Variants in PDXK observed in about 807,000 individuals in gnomAD.
PDXK encodes epididymis secretory sperm binding protein Li 1a.
A neutral mutation model predicts 43.2 loss-of-function variants in PDXK; 15 were observed. That is an observed-to-expected ratio of 0.35 (90% CI 0.23 to 0.53). The LOEUF (loss-of-function observed/expected upper bound fraction) is 0.53. PDXK is among the 20% of genes least tolerant of loss of function. The pLI is 0.92. For synonymous variants in PDXK, 172 were observed against 165.4 expected, an observed-to-expected ratio of 1.04 and a Z score of -0.31; for missense variants, 343 against 417.0, an observed-to-expected ratio of 0.82 and a Z score of 1.54.
chr21:43,735,965 G>A lies in PDXK; in HGVS notation c.142+1842G>A, dbSNP rs1343091960. 1.3e-5 allele frequency among the ~76,000 whole-genome samples: 2 copies of A among 152,180 alleles called. No individual in the cohort carries two copies. The highest frequency in any genetic ancestry group is 2.4e-5 in the African/African-American group (1 of 41,462). On this transcript the variant is annotated intron_variant, in intron 2 of 10. Coordinates refer to ENST00000291565, the MANE Select transcript of PDXK (RefSeq NM_003681.5). This position sits in a 1 kb window ranked among gnomAD's most constrained non-coding sequence, Gnocchi z 5.3. ...ACCTGCCCTGGGTGCCACGGGAGCT[G>A]GTGGTCAAGACGGGGGACTCGGCCT...
rs1239115502 is a variant in PDXK, at chr21:43,760,073, T to C, written c.*4010T>C. 6.5e-6 allele frequency: 1 copy of C among 153,764 alleles called. No homozygotes were observed. The highest frequency in any genetic ancestry group is 2.4e-5 in the African/African-American group (1 of 41,440). The allele number at this position is 153,764 out of a possible 1,614,324, so 9.5% of individuals were successfully genotyped here. A position where few individuals can be genotyped will look rare whatever the true frequency, so the allele number is the denominator to read the frequency against. On this transcript the variant is annotated 3_prime_UTR_variant, in exon 11 of 11. Transcript: ENST00000291565. ...GGATACCTGAGCCTGTATGGCCCTG[T>C]AGCCCTGGGCAGAGCTGGGCCTGTC...
Position 43,735,135 on chromosome 21 carries a change from G to A in PDXK, c.142+1012G>A, listed in dbSNP as rs2147236625. Among the ~76,000 whole-genome samples the A allele has an allele frequency of 6.6e-6, 1 of 152,354 alleles. No homozygotes were observed. Among genetic ancestry groups the A allele is most frequent in the Admixed American group, 6.5e-5 (1 of 15,310 alleles). ...CCAGCTCTCGCTGAAACCCTTTCCT[G>A]CCTTTGCTTGCGGGGCACACTGGGT... On this transcript the variant is annotated intron_variant, in intron 2 of 10. Transcript: ENST00000291565. The surrounding 1 kb of genome is among the most constrained non-coding windows in gnomAD (Gnocchi z 5.3).
chr21:43,746,211 G>C (rs2083636049), intron 5 of PDXK, 86 bp downstream of exon 5: 4 of 1,054,436 alleles, frequency 3.8e-6, no homozygotes, highest in Non-Finnish European at 6.0e-6. Context: ...ATCTCTAAGT[G>C]TCTAACTCGG....
chr21:43,741,939 G>A (rs932831440), intron 3 of PDXK, among the ~76,000 whole-genome samples, 168 bp downstream of exon 3: 2 of 152,036 alleles, frequency 1.3e-5, no homozygotes, highest in Non-Finnish European at 1.5e-5. Context: ...AGCCTGGGGG[G>A]TCCTGGCCAC....
rs1184162395 is a variant in PDXK, at chr21:43,759,012, T to G, written c.*2949T>G. 6.6e-6 allele frequency: 1 copy of G among 152,234 alleles called. No homozygotes were observed. The allele number at this position is 152,234 out of a possible 1,614,324, so 9.4% of individuals were successfully genotyped here. ...AGTTTTGAAACGTTTGGTCTTACCG[T>G]GAACGGAGGCTGGCTTGGCTTAGCC... is the stretch of plus-strand genomic sequence containing the variant. On this transcript the variant is annotated 3_prime_UTR_variant, in exon 11 of 11. Coordinates refer to ENST00000291565, the MANE Select transcript of PDXK (RefSeq NM_003681.5).
chr21:43,740,943 G>A (rs2083489785), intron 2 of PDXK: 2 of 146,266 alleles, frequency 1.4e-5, no homozygotes, highest in South Asian at 4.2e-4. Context: ...GGGGACTAAT[G>A]CAGGAGACGC....
At chr21:43,741,079 A>C (rs2083493495) in intron 2 of PDXK, 2 of 138,100 alleles carry the variant, frequency 1.4e-5, no homozygotes. Context: ...CCTGGGACGC[A>C]GCTCCCGCAG....
At chr21:43,741,153 CGGGGGGCTCGCGG>C (rs1313704811) in intron 2 of PDXK, 2 of 8,486 alleles carry the variant, frequency 2.4e-4, no homozygotes, top group Admixed American at 1.5e-3. Flanking sequence ...AGTGCAGGGG[CGGGGGGCTCGCGG>C]GGGGGCTCGC....
intron 1 of PDXK, among the ~76,000 whole-genome samples, chr21:43,726,393 A>T (rs1039944995): frequency 2.7e-5 from 4 of 147,262 alleles, no homozygotes; most frequent in African/African-American, 1.0e-4. Context: ...CTCCTGCCTC[A>T]GCCTCCCAGG....
At chr21:43,753,354 C>T (rs1286756053) in intron 8 of PDXK, among the ~76,000 whole-genome samples, 4 of 152,202 alleles carry the variant, frequency 2.6e-5, no homozygotes, top group Admixed American at 1.3e-4. Context: ...CAGCGACCCC[C>T]GAGGCGGCCT....
intron 2 of PDXK, among the ~76,000 whole-genome samples, chr21:43,739,486 A>G (rs985169222): frequency 1.3e-5 from 2 of 152,226 alleles, no homozygotes; most frequent in Non-Finnish European, 2.9e-5. Context: ...ACAGTTCAGC[A>G]GAGCTGGGGA....
Position 43,719,168 on chromosome 21 carries a change from G to T in PDXK, c.-127G>T. 2.6e-6 allele frequency: 1 copy of T among 389,230 alleles called. No homozygotes were observed. The highest frequency in any genetic ancestry group is 4.2e-6 in the Non-Finnish European group (1 of 237,054). The allele number at this position is 389,230 out of a possible 1,614,324, so 24.1% of individuals were successfully genotyped here. A position where few individuals can be genotyped will look rare whatever the true frequency, so the allele number is the denominator to read the frequency against. On this transcript the variant is annotated 5_prime_UTR_variant, in exon 1 of 11. Coordinates refer to ENST00000291565, the MANE Select transcript of PDXK (RefSeq NM_003681.5). ...TCTGCGCTGATCGGGTCCGCCGCGC[G>T]CCAGAGCCAGAGTCGCAGCCGAGGG... is the stretch of plus-strand genomic sequence containing the variant.
chr21:43,720,972 G>T (rs546927295), intron 1 of PDXK, among the ~76,000 whole-genome samples: 1 of 152,226 alleles, frequency 6.6e-6, no homozygotes, highest in African/African-American at 2.4e-5. Flanking sequence ...GACTCGAGGG[G>T]TGTCCTCTGA....
rs1406850728 is a variant in PDXK at position 43,741,683 on chromosome 21, G to A, written c.159G>A (p.Lys53=). The A allele has an allele frequency of 8.7e-6, 14 of 1,612,884 alleles. No homozygotes were observed. The highest frequency in any genetic ancestry group is 1.1e-5 in the Non-Finnish European group (13 of 1,179,182). Residue 53 remains lysine (K), a synonymous_variant, in exon 3 of 11, where the codon AAG becomes AAA. Coordinates refer to ENST00000291565, the MANE Select transcript of PDXK (RefSeq NM_003681.5). The stretch of plus-strand genomic sequence containing the variant: ...TGCCTCTAGGCTATGCCCACTGGAA[G>A]GGCCAAGTGCTGAATTCAGATGAGC... The part of the protein sequence containing the change: ...FSNHTGYAHW[K]GQVLNSDELQ...
At chr21:43,729,066 C>G in intron 1 of PDXK, 5 of 964,980 alleles carry the variant, frequency 5.2e-6, no homozygotes, top group Non-Finnish European at 4.9e-6. Context: ...AGCCCCCCAC[C>G]CCGCACCCGC....
chr21:43,745,911 C>G lies in PDXK; in HGVS notation c.332-168C>G, dbSNP rs2083630712. The stretch of plus-strand genomic sequence containing the variant: ...ACTTGGGAGGGTGAGGCAGGAGGAT[C>G]GCCCGAGCCTGGAAGATCGAGGTTG... On this transcript the variant is annotated intron_variant, in intron 4 of 10. Transcript: ENST00000291565. The G allele has an allele frequency of 5.5e-5, 35 of 641,440 alleles. No individual in the cohort carries two copies. In the South Asian group the frequency reaches 6.0e-4, roughly 11 times the overall value. 39.7% of individuals were successfully genotyped at this position (641,440 alleles called of 1,614,324 possible). A position where few individuals can be genotyped will look rare whatever the true frequency, so the allele number is the denominator to read the frequency against.
chr21:43,733,951 G>C (rs2083362842), intron 1 of PDXK, 118 bp from the exon 2 acceptor site: 3 of 985,260 alleles, frequency 3.0e-6, no homozygotes, highest in Non-Finnish European at 4.8e-6. Flanking sequence ...CCTGCAGCTG[G>C]GGGCCCCGTG....
rs1352635330 is a variant in PDXK, at chr21:43,753,645, G to C, written c.685G>C (p.Val229Leu). ...GATGGACATTCGCAAAGTGGACGCC[G>C]TCTTTGTGGGCACTGGGGACCTGTT... ...IRMDIRKVDAVFVGTGDLFAA... is the reference protein window; with the variant it reads ...IRMDIRKVDALFVGTGDLFAA... The change falls in exon 9 of 11, where the codon GTC (valine) becomes CTC (leucine). Residue 229 changes from valine (V) to leucine (L), a missense_variant. Coordinates refer to ENST00000291565, the MANE Select transcript of PDXK (RefSeq NM_003681.5). 2 of 1,613,808 alleles carry C rather than the reference G, an allele frequency of 1.2e-6. No individual in the cohort carries two copies. The highest frequency in any genetic ancestry group is 1.7e-6 in the Non-Finnish European group (2 of 1,179,800).
Position 43,755,729 on chromosome 21 carries a change from A to G in PDXK, c.791A>G (p.His264Arg), listed in dbSNP as rs759900191. The change falls in exon 10 of 11, where the codon CAC becomes CGC. Residue 264 changes from histidine (H) to arginine (R), a missense_variant. By Grantham distance (29) the His-to-Arg change is conservative (BLOSUM62 0). Transcript: ENST00000291565. ...TGTGAGAAGACCGTGTCTACCTTGC[A>G]CCACGTTCTGCAGAGGACCATCCAG... is the stretch of plus-strand genomic sequence containing the variant. Reference protein sequence around the residue: ...VACEKTVSTLHHVLQRTIQCA... With the variant: ...VACEKTVSTLRHVLQRTIQCA... 6.2e-7 allele frequency: 1 copy of G among 1,614,074 alleles called. No individual in the cohort carries two copies. Among genetic ancestry groups the G allele is most frequent in the Non-Finnish European group, 8.5e-7 (1 of 1,179,986 alleles).
Sources: allele counts gnomAD v4.1 joint callset (sites outside exome capture counted in the v4.1 genomes callset), GRCh38; gene constraint gnomAD v4.1.1; non-coding constraint Gnocchi (gnomAD v3.1); transcripts MANE v1.5; gene names NCBI Gene and HGNC (gene_info 2026-07-23, HGNC 2026-07-21).